FREM1: variants seen among roughly 807,000 people sequenced by gnomAD.
The protein encoded by FREM1 is FRAS1 related extracellular matrix 1, also known as FRAS1-related extracellular matrix protein 1.
In FREM1, 220 loss-of-function variants were observed where a neutral mutation model predicts 210.1. The observed-to-expected ratio is 1.05, with a 90% CI of 0.94 to 1.17. The LOEUF (loss-of-function observed/expected upper bound fraction) is 1.17. Among genes scored for constraint, FREM1 ranks in the 50% most tolerant of loss-of-function variants. The probability of loss-of-function intolerance (pLI) is 0.00; values close to 1 mark genes in which losing one functional copy is unlikely to be tolerated. For missense variants in FREM1, 3,454 were observed against 2,675.5 expected (o/e 1.29, Z -6.42); for synonymous variants, 1,189 against 980.2 (o/e 1.21, Z -3.98).
intron 1 of FREM1, among the ~76,000 whole-genome samples, chr9:14,891,131 T>C (rs1395983783): frequency 6.6e-6 from 1 of 152,222 alleles, no homozygotes; most frequent in Non-Finnish European, 1.5e-5. Context: ...GAATTCTTCA[T>C]TTCTTAATTT....
intron 25 of FREM1, among the ~76,000 whole-genome samples, chr9:14,775,377 A>G (rs1053458754): frequency 6.6e-6 from 1 of 152,132 alleles, no homozygotes; most frequent in African/African-American, 2.4e-5. Flanking sequence ...GTAGATGCAT[A>G]ATCTGTACTT....
At chr9:14,754,417 A>G (rs917800376) in intron 29 of FREM1, among the ~76,000 whole-genome samples, 4 of 152,352 alleles carry the variant, frequency 2.6e-5, no homozygotes, top group Non-Finnish European at 5.9e-5. Flanking sequence ...AATGTTAACT[A>G]TCACAGGAAG....
At chr9:14,799,757 T>C (rs572709317) in intron 20 of FREM1, among the ~76,000 whole-genome samples, 6 of 152,302 alleles carry the variant, frequency 3.9e-5, no homozygotes, top group African/African-American at 9.6e-5. Flanking sequence ...TTCTTTGCAA[T>C]TGATAAAAGC....
intron 19 of FREM1, 113 bp from the exon 20 acceptor site, chr9:14,801,987 G>C (rs1449433709): frequency 2.8e-6 from 2 of 724,502 alleles, no homozygotes; most frequent in Non-Finnish European, 4.5e-6. Flanking sequence ...TTTTCTATGA[G>C]ATTTATATAG....
At chr9:14,746,872 C>T (rs1041550995) in intron 34 of FREM1, 51 bp downstream of exon 34, 39 of 1,589,538 alleles carry the variant, frequency 2.5e-5, no homozygotes, top group Non-Finnish European at 3.3e-5. Context: ...ATTAGCTTAT[C>T]ATAGAGCACA....
chr9:14,802,740 C>T (rs1817518706), intron 19 of FREM1, among the ~76,000 whole-genome samples: 1 of 152,184 alleles, frequency 6.6e-6, no homozygotes, highest in African/African-American at 2.4e-5. Flanking sequence ...AAATTCTACA[C>T]ATGCATATTG....
At chr9:14,834,972 G>C (rs1232189508) in intron 10 of FREM1, among the ~76,000 whole-genome samples, 2 of 152,118 alleles carry the variant, frequency 1.3e-5, no homozygotes, top group South Asian at 4.1e-4. Context: ...TCAAAAGATG[G>C]TTTATAATCA....
chr9:14,804,590 A>ATCT, intron 19 of FREM1, among the ~76,000 whole-genome samples: 2 of 152,168 alleles, frequency 1.3e-5, no homozygotes, highest in Admixed American at 1.3e-4. Context: ...ATCTCAAAAA[A>ATCT]CAAAAAACAA....
Position 14,813,064 on chromosome 9 carries a change from C to A in FREM1, c.2641G>T (p.Val881Leu). Residue 881 changes from valine to leucine, a missense_variant and splice_region_variant, in exon 16 of 37, where the codon GTA becomes TTA. By Grantham distance (32) the Val-to-Leu change is conservative (BLOSUM62 1). Coordinates refer to ENST00000380880, the MANE Select transcript of FREM1 (RefSeq NM_001379081.2). ...NSAEFVLHVE[V>L]FPVNDEPPVL... ...GGTGGCTCATCGTTGACAGGGAATA[C>A]CTAGGCAATGGAAAAAATGCATGTT... The A allele has an allele frequency of 6.3e-7, 1 of 1,592,388 alleles. No individual in the cohort carries two copies. Among genetic ancestry groups the A allele is most frequent in the South Asian group, 1.1e-5 (1 of 88,522 alleles).
chr9:14,861,403 TG>T (rs1410011367), intron 3 of FREM1, among the ~76,000 whole-genome samples: 3 of 148,494 alleles, frequency 2.0e-5, no homozygotes, highest in Non-Finnish European at 3.0e-5. Context: ...ATATATGTAA[TG>T]GGGTACATGA....
At chr9:14,855,401 G>C (rs986319561) in intron 5 of FREM1, among the ~76,000 whole-genome samples, 1 of 152,022 alleles carries the variant, frequency 6.6e-6, no homozygotes, top group African/African-American at 2.4e-5. Context: ...AGATTAAAAA[G>C]GCAAATGTAA....
Position 14,857,571 on chromosome 9 carries a change from C to A in FREM1, c.810G>T (p.Arg270Ser), listed in dbSNP as rs1461972052. ...ACTCTACCTTGTACACAATTTTGCT[C>A]CTGGTATCTGTGAGGTCCAGTTGGA... Reference protein sequence around the residue: ...ISIQLDLTDTRSKIVYKSESA... With the variant: ...ISIQLDLTDTSSKIVYKSESA... The change falls in exon 5 of 37, where the codon AGG becomes AGT. Residue 270 changes from arginine to serine, a missense_variant. Transcript: ENST00000380880. 6.2e-7 allele frequency: 1 copy of A among 1,613,498 alleles called. No homozygotes were observed. The highest frequency in any genetic ancestry group is 2.2e-5 in the East Asian group (1 of 44,878).
At chr9:14,878,892 A>G (rs897179875) in intron 1 of FREM1, among the ~76,000 whole-genome samples, 1 of 152,196 alleles carries the variant, frequency 6.6e-6, no homozygotes, top group Non-Finnish European at 1.5e-5. Context: ...ACGGTGGCTC[A>G]TACCTGCAAT....
chr9:14,904,572 A>T (rs577559473), intron 1 of FREM1, among the ~76,000 whole-genome samples: 10 of 152,052 alleles, frequency 6.6e-5, no homozygotes, highest in Admixed American at 2.0e-4. Context: ...CAGATGTTTG[A>T]AGGGGAGTGA....
At chr9:14,824,714 T>A in intron 11 of FREM1, 82 bp downstream of exon 11, 1 of 881,920 alleles carries the variant, frequency 1.1e-6, no homozygotes, top group East Asian at 2.7e-5. Flanking sequence ...CACAGTACTA[T>A]ATATATATAT....
chr9:14,827,529 C>T (rs1292910033), intron 10 of FREM1, among the ~76,000 whole-genome samples: 1 of 152,070 alleles, frequency 6.6e-6, no homozygotes, highest in African/African-American at 2.4e-5. Flanking sequence ...AAAGGGGAAG[C>T]AGAACTTAAA....
intron 29 of FREM1, among the ~76,000 whole-genome samples, chr9:14,753,739 G>A (rs529495596): frequency 6.6e-6 from 1 of 152,346 alleles, no homozygotes; most frequent in African/African-American, 2.4e-5. Flanking sequence ...GGATTAACAA[G>A]ATAGGAGTAA....
At position 14,869,207 on chromosome 9, in the gene FREM1, C is replaced by T. The variant is rs1412983197; in HGVS notation, c.-230G>A. On this transcript the variant is annotated 5_prime_UTR_variant, in exon 2 of 37. Coordinates refer to ENST00000380880, the MANE Select transcript of FREM1 (RefSeq NM_001379081.2). ...ACTCGCTGATCACTCCTGACAACGC[C>T]GGCAAGATTAATGGGCTTCCCAAGT... 2 of 441,848 alleles carry T rather than the reference C, an allele frequency of 4.5e-6. No individual in the cohort carries two copies. The highest frequency in any genetic ancestry group is 6.4e-5 in the East Asian group (2 of 31,104). The allele number at this position is 441,848 out of a possible 1,614,324, so 27.4% of individuals were successfully genotyped here.
chr9:14,837,443 C>CCACACA (rs746575597), intron 10 of FREM1, among the ~76,000 whole-genome samples: 1 of 146,734 alleles, frequency 6.8e-6, no homozygotes, highest in African/African-American at 2.5e-5. Context: ...CTCCTTAAAA[C>CCACACA]CACACACACA....
Sources: allele counts gnomAD v4.1 joint callset (sites outside exome capture counted in the v4.1 genomes callset), GRCh38; gene constraint gnomAD v4.1.1; transcripts MANE v1.5; gene names NCBI Gene and HGNC (gene_info 2026-07-23, HGNC 2026-07-21).